Variants in SMAD2 observed in about 807,000 individuals in gnomAD.
SMAD2 encodes the protein MAD homolog 2.
In SMAD2, 8 loss-of-function variants were observed where a neutral mutation model predicts 64.4. The ratio of observed to expected loss-of-function variants is 0.12; its 90% CI spans 0.07 to 0.22. SMAD2 has a LOEUF of 0.22. SMAD2 is among the 10% of genes least tolerant of loss of function. The pLI is 1.00. For synonymous variants in SMAD2, 203 were observed against 195.8 expected (o/e 1.04, Z -0.31); for missense variants, 289 against 561.2 (o/e 0.51, Z 4.90).
chr18:47,823,141 A>G lies in SMAD2; in HGVS notation c.*18686T>C, dbSNP rs1337610491. 4 of 152,216 alleles carry G rather than the reference A, an allele frequency of 2.6e-5. No individual in the cohort carries two copies. The highest frequency in any genetic ancestry group is 9.6e-5 in the African/African-American group (4 of 41,460). The allele number at this position is 152,216 out of a possible 1,614,324, so 9.4% of individuals were successfully genotyped here. On this transcript the variant is annotated 3_prime_UTR_variant, in exon 11 of 11. Transcript: ENST00000262160. ...AGAATGTGTAGAATGCCTGGCTTCA[A>G]TGGTTCTCAGCATTACACTGAATTA...
chr18:47,928,076 TA>T (rs2034839807), intron 1 of SMAD2, among the ~76,000 whole-genome samples: 1 of 152,056 alleles, frequency 6.6e-6, no homozygotes. Flanking sequence ...ATCAAAAGAC[TA>T]AGAATCTAAA....
At chr18:47,908,866 G>C (rs1299913590) in intron 1 of SMAD2, among the ~76,000 whole-genome samples, 1 of 152,162 alleles carries the variant, frequency 6.6e-6, no homozygotes, top group East Asian at 1.9e-4. Context: ...ACCATGTGTA[G>C]TGCAATACCA....
chr18:47,921,196 A>G (rs895200848), intron 1 of SMAD2, among the ~76,000 whole-genome samples: 6 of 152,172 alleles, frequency 3.9e-5, no homozygotes, highest in African/African-American at 1.4e-4. Context: ...AGAATATTAT[A>G]CAACCCACTA....
chr18:47,821,138 G>A lies in SMAD2; in HGVS notation c.*20689C>T, dbSNP rs1912559424. 6.6e-6 allele frequency: 1 copy of A among 152,020 alleles called. No individual in the cohort carries two copies. Among genetic ancestry groups the A allele is most frequent in the Admixed American group, 6.6e-5 (1 of 15,258 alleles). The allele number at this position is 152,020 out of a possible 1,614,324, so 9.4% of individuals were successfully genotyped here. A position where few individuals can be genotyped will look rare whatever the true frequency, so the allele number is the denominator to read the frequency against. ...AAGGCTGTCTTTTTTCATTTAAGATGGTCATTTCATTTCTTGAGGTAGAGT... is the reference window on the plus strand; with the variant it reads ...AAGGCTGTCTTTTTTCATTTAAGATAGTCATTTCATTTCTTGAGGTAGAGT... On this transcript the variant is annotated 3_prime_UTR_variant, in exon 11 of 11. Coordinates refer to ENST00000262160, the MANE Select transcript of SMAD2 (RefSeq NM_005901.6).
At position 47,845,788 on chromosome 18, in the gene SMAD2, C is replaced by T. The variant is rs2144291037; in HGVS notation, c.1010G>A (p.Arg337His). 1 of 1,613,662 alleles carries T rather than the reference C, an allele frequency of 6.2e-7. No individual in the cohort carries two copies. Among genetic ancestry groups the T allele is most frequent in the Non-Finnish European group, 8.5e-7 (1 of 1,179,638 alleles). The change falls in exon 9 of 11, where the codon CGC becomes CAC. Residue 337 changes from arginine (R) to histidine (H), a missense_variant. Arg to His is a conservative substitution (Grantham distance 29). Coordinates refer to ENST00000262160, the MANE Select transcript of SMAD2 (RefSeq NM_005901.6). Reference sequence around the variant, plus strand: ...AACTTCCCCACCTATGTAGTATAAGCGCACTCCTCTTCCTGAAACAAAATA... The same window carrying T: ...AACTTCCCCACCTATGTAGTATAAGTGCACTCCTCTTCCTGAAACAAAATA... ...MTRRHIGRGV[R>H]LYYIGGEVFA...
rs553900364 is a variant in SMAD2, at chr18:47,821,221, T to C, written c.*20606A>G. The C allele has an allele frequency of 6.6e-6, 1 of 152,356 alleles. No individual in the cohort carries two copies. The highest frequency in any genetic ancestry group is 1.9e-4 in the East Asian group (1 of 5,188). The allele number at this position is 152,356 out of a possible 1,614,324, so 9.4% of individuals were successfully genotyped here. The stretch of plus-strand genomic sequence containing the variant: ...AAGTTCAACCTTTGCTGTATCTTGC[T>C]GCACCTTATTTGTAGGTCACACATC... On this transcript the variant is annotated 3_prime_UTR_variant, in exon 11 of 11. Transcript: ENST00000262160.
At position 47,823,534 on chromosome 18, in the gene SMAD2, A is replaced by G. The variant is rs749021780; in HGVS notation, c.*18293T>C. On this transcript the variant is annotated 3_prime_UTR_variant, in exon 11 of 11. Coordinates refer to ENST00000262160, the MANE Select transcript of SMAD2 (RefSeq NM_005901.6). ...GAAAAAAAACTACTCCCATGCTCTG[A>G]GGCCTATAAGCTAAGATGTGATTAA... 6.6e-6 allele frequency: 1 copy of G among 152,188 alleles called. No individual in the cohort carries two copies. Among genetic ancestry groups the G allele is most frequent in the Non-Finnish European group, 1.5e-5 (1 of 68,032 alleles). 9.4% of individuals were successfully genotyped at this position (152,188 alleles called of 1,614,324 possible).
At position 47,812,398 on chromosome 18, in the gene SMAD2, C is replaced by T. The variant is rs944210822; in HGVS notation, c.*29429G>A. 2.0e-5 allele frequency: 3 copies of T among 152,132 alleles called. No homozygotes were observed. Among genetic ancestry groups the T allele is most frequent in the African/African-American group, 7.2e-5 (3 of 41,434 alleles). The allele number at this position is 152,132 out of a possible 1,614,324, so 9.4% of individuals were successfully genotyped here. ...TTATAAATTACCCAGTCTCCGGTAT[C>T]TCTTTATTAGCCGCGTGAGATCAGA... On this transcript the variant is annotated 3_prime_UTR_variant, in exon 11 of 11. Coordinates refer to ENST00000262160, the MANE Select transcript of SMAD2 (RefSeq NM_005901.6).
chr18:47,841,734 T>C lies in SMAD2; in HGVS notation c.*93A>G, dbSNP rs9304356. 1.0e-3 allele frequency: 1,500 copies of C among 1,466,538 alleles called. 16 individuals carry two copies. In the African/African-American group the frequency reaches 0.017, roughly 17 times the overall value. The allele number at this position is 1,466,538 out of a possible 1,614,324, so 90.8% of individuals were successfully genotyped here. Reference sequence around the variant, plus strand: ...AAGTGCTGTTTTCTCTCTTGAACTTTTGGATAGTAAACAGTCCATAGGGAC... The same window carrying C: ...AAGTGCTGTTTTCTCTCTTGAACTTCTGGATAGTAAACAGTCCATAGGGAC... On this transcript the variant is annotated 3_prime_UTR_variant, in exon 11 of 11. Transcript: ENST00000262160.
In SMAD2 at chr18:47,889,727, C is replaced by T. The variant is rs183550751; in HGVS notation, c.236+6794G>A. On this transcript the variant is annotated intron_variant, in intron 2 of 10. Transcript: ENST00000262160. ...CAGAGCTTGCAGTGAGCCGACATCA[C>T]GCCACTGCACTCCAGCCTGGGTGAC... 7.1e-3 allele frequency among the ~76,000 whole-genome samples: 1,064 copies of T among 150,804 alleles called. 10 individuals are homozygous for T. Among genetic ancestry groups the T allele is most frequent in the African/African-American group, 0.024 (981 of 40,928 alleles).
Position 47,838,442 on chromosome 18 carries a change from T to C in SMAD2, c.*3385A>G, listed in dbSNP as rs1168280780. Reference sequence around the variant, plus strand: ...GTCAGGGCCCCGTCCTAGTCATCTTTTTATTATTCAATATCCATCACAGTG... The same window carrying C: ...GTCAGGGCCCCGTCCTAGTCATCTTCTTATTATTCAATATCCATCACAGTG... On this transcript the variant is annotated 3_prime_UTR_variant, in exon 11 of 11. Coordinates refer to ENST00000262160, the MANE Select transcript of SMAD2 (RefSeq NM_005901.6). The C allele has an allele frequency of 4.3e-6, 1 of 233,292 alleles. No homozygotes were observed. Among genetic ancestry groups the C allele is most frequent in the Non-Finnish European group, 8.5e-6 (1 of 118,024 alleles). The allele number at this position is 233,292 out of a possible 1,614,324, so 14.5% of individuals were successfully genotyped here.
At chr18:47,883,218 T>A (rs1263288119) in intron 2 of SMAD2, among the ~76,000 whole-genome samples, 1 of 152,268 alleles carries the variant, frequency 6.6e-6, no homozygotes, top group East Asian at 1.9e-4. Flanking sequence ...TGTATTTTCA[T>A]TATAATTTGG....
rs1912338399 is a variant in SMAD2, at chr18:47,815,541, T to G, written c.*26286A>C. The stretch of plus-strand genomic sequence containing the variant: ...AATTGAGGCCAGGGAACCTACATTT[T>G]AGAAGCTCTCCTTCTGACTCCAATT... On this transcript the variant is annotated 3_prime_UTR_variant, in exon 11 of 11. Transcript: ENST00000262160. 1.3e-5 allele frequency: 2 copies of G among 152,248 alleles called. No individual in the cohort carries two copies. The highest frequency in any genetic ancestry group is 2.9e-5 in the Non-Finnish European group (2 of 68,048). 9.4% of individuals were successfully genotyped at this position (152,248 alleles called of 1,614,324 possible).
chr18:47,819,795 CAAA>C lies in SMAD2; in HGVS notation c.*22029_*22031del, dbSNP rs764594290. ...TGGGTGACAGAGCGAGACTCCGTCT[CAAA>C]AAAAAAAAAAAAAAAAAGAATTGGA... On this transcript the variant is annotated 3_prime_UTR_variant, in exon 11 of 11. Coordinates refer to ENST00000262160, the MANE Select transcript of SMAD2 (RefSeq NM_005901.6). The C allele has an allele frequency of 4.1e-4, 40 of 97,148 alleles. No individual in the cohort carries two copies. The highest frequency in any genetic ancestry group is 1.4e-3 in the African/African-American group (35 of 25,362). The allele number at this position is 97,148 out of a possible 1,614,324, so 6.0% of individuals were successfully genotyped here. A position where few individuals can be genotyped will look rare whatever the true frequency, so the allele number is the denominator to read the frequency against.
At position 47,831,895 on chromosome 18, in the gene SMAD2, C is replaced by G. The variant is rs978659136; in HGVS notation, c.*9932G>C. The stretch of plus-strand genomic sequence containing the variant: ...GTTTTTCTATTCCTTTATTTGTAAA[C>G]TTATAATTTTTAGGTTGGGCTTACT... On this transcript the variant is annotated 3_prime_UTR_variant, in exon 11 of 11. Coordinates refer to ENST00000262160, the MANE Select transcript of SMAD2 (RefSeq NM_005901.6). The G allele has an allele frequency of 1.1e-4, 15 of 141,348 alleles. No homozygotes were observed. The highest frequency in any genetic ancestry group is 4.0e-4 in the African/African-American group (15 of 37,690). 8.8% of individuals were successfully genotyped at this position (141,348 alleles called of 1,614,324 possible).
intron 2 of SMAD2, among the ~76,000 whole-genome samples, chr18:47,892,400 A>G (rs1207564197): frequency 2.0e-5 from 3 of 152,070 alleles, no homozygotes; most frequent in Non-Finnish European, 4.4e-5. Context: ...GGGTTTCACT[A>G]TGTTGGCCAG....
In SMAD2 at chr18:47,834,613, G is replaced by A. The variant is rs1337810130; in HGVS notation, c.*7214C>T. The A allele has an allele frequency of 2.0e-5, 4 of 201,884 alleles. No homozygotes were observed. Among genetic ancestry groups the A allele is most frequent in the Non-Finnish European group, 3.9e-5 (4 of 102,108 alleles). The allele number at this position is 201,884 out of a possible 1,614,324, so 12.5% of individuals were successfully genotyped here. A position where few individuals can be genotyped will look rare whatever the true frequency, so the allele number is the denominator to read the frequency against. On this transcript the variant is annotated 3_prime_UTR_variant, in exon 11 of 11. Transcript: ENST00000262160. ...ACTAGCTAATGGCTAGTTCCTCTAAGCTTGCTAAAAGGCTAGGAAGTCCAG... is the reference window on the plus strand; with the variant it reads ...ACTAGCTAATGGCTAGTTCCTCTAAACTTGCTAAAAGGCTAGGAAGTCCAG...
chr18:47,892,444 C>T (rs2033241262), intron 2 of SMAD2, among the ~76,000 whole-genome samples: 1 of 152,206 alleles, frequency 6.6e-6, no homozygotes, highest in African/African-American at 2.4e-5. Flanking sequence ...AGGTGATCTG[C>T]CTGCCTCGGC....
At chr18:47,911,815 T>G (rs1192828160) in intron 1 of SMAD2, among the ~76,000 whole-genome samples, 1 of 152,130 alleles carries the variant, frequency 6.6e-6, no homozygotes, top group Non-Finnish European at 1.5e-5. Context: ...GTATGTAACT[T>G]GATAAAATAA....
Sources: gnomAD v4.1 joint callset for allele counts (sites outside exome capture counted in the v4.1 genomes callset) on GRCh38, gnomAD v4.1.1 for gene constraint, MANE v1.5 for transcripts, NCBI Gene and HGNC (gene_info 2026-07-23, HGNC 2026-07-21) for gene names.